Variants in DPP10 observed in about 807,000 individuals in gnomAD.
The protein encoded by DPP10 is dipeptidyl peptidase like 10, also known as inactive dipeptidyl peptidase 10.
In DPP10, 33 loss-of-function variants were observed where a neutral mutation model predicts 120.9. The ratio of observed to expected loss-of-function variants is 0.27; its 90% CI spans 0.21 to 0.37. The LOEUF (loss-of-function observed/expected upper bound fraction) is 0.37, where lower values mean the gene tolerates loss of function less well. DPP10 is among the 10% of genes least tolerant of loss of function. DPP10 has a pLI of 1.00. For missense variants in DPP10, 816 were observed against 942.8 expected (o/e 0.87, Z 1.76); for synonymous variants, 337 against 326.1 (o/e 1.03, Z -0.36).
intron 1 of DPP10, among the ~76,000 whole-genome samples, chr2:114,606,030 G>A (rs556665538): frequency 1.3e-5 from 2 of 152,188 alleles, no homozygotes; most frequent in South Asian, 4.2e-4. Context: ...TCTCCCAAAT[G>A]TTGAAATAAC....
chr2:115,573,900 A>G (rs935922241), intron 5 of DPP10, among the ~76,000 whole-genome samples: 13 of 151,816 alleles, frequency 8.6e-5, no homozygotes, highest in African/African-American at 3.1e-4. Context: ...TCATCTTCCT[A>G]TTGCTCTGTA....
rs528843852 is a variant in DPP10 at position 115,667,286 on chromosome 2, C to A, written c.442-22401C>A. 4.6e-5 allele frequency among the ~76,000 whole-genome samples: 7 copies of A among 152,188 alleles called. No homozygotes were observed. The East Asian group carries it at 9.7e-4, about 21-fold the overall frequency. ...CAGATGCATAAATTATAAATACTTTCTCCAGTCTGTAGGTTGTTTGTGTGT... is the reference window on the plus strand; with the variant it reads ...CAGATGCATAAATTATAAATACTTTATCCAGTCTGTAGGTTGTTTGTGTGT... On this transcript the variant is annotated intron_variant, in intron 5 of 25. Coordinates refer to ENST00000410059, the MANE Select transcript of DPP10 (RefSeq NM_020868.6).
At chr2:115,841,247 CATA>C (rs1425025353) in intron 25 of DPP10, among the ~76,000 whole-genome samples, 1 of 151,398 alleles carries the variant, frequency 6.6e-6, no homozygotes, top group African/African-American at 2.4e-5. Flanking sequence ...TTATAATTCT[CATA>C]ATAAATAGTG....
chr2:115,531,016 G>A (rs957250187), intron 5 of DPP10, among the ~76,000 whole-genome samples: 1 of 152,096 alleles, frequency 6.6e-6, no homozygotes, highest in Non-Finnish European at 1.5e-5. Flanking sequence ...CATGTATTTT[G>A]TGCCAAAGTC....
chr2:115,768,111 A>G (rs1408993780), intron 12 of DPP10, among the ~76,000 whole-genome samples, 186 bp from the exon 13 acceptor site: 1 of 152,168 alleles, frequency 6.6e-6, no homozygotes, highest in Non-Finnish European at 1.5e-5. Flanking sequence ...TACATATGTA[A>G]TGTATCAGAT....
At chr2:114,800,189 T>C (rs1170400260) in intron 1 of DPP10, among the ~76,000 whole-genome samples, 1 of 152,166 alleles carries the variant, frequency 6.6e-6, no homozygotes, top group African/African-American at 2.4e-5. Context: ...AACCTTGAAC[T>C]TGTGATTGAG....
At chr2:115,161,692 C>T (rs1310646090) in intron 1 of DPP10, 1 of 366,090 alleles carries the variant, frequency 2.7e-6, no homozygotes, top group Non-Finnish European at 4.9e-6. Context: ...CTCGCCTCGC[C>T]GCCGCGGCTC....
At chr2:115,783,330 CGAG>C (rs557054767) in intron 17 of DPP10, among the ~76,000 whole-genome samples, 147 of 152,154 alleles carry the variant, frequency 9.7e-4, no homozygotes, top group African/African-American at 3.5e-3. Context: ...CAGTCTGACT[CGAG>C]AATAGGTTTA....
chr2:115,082,400 T>C (rs1708348211), intron 1 of DPP10, among the ~76,000 whole-genome samples: 1 of 152,142 alleles, frequency 6.6e-6, no homozygotes, highest in South Asian at 2.1e-4. Flanking sequence ...TTTGTCTACA[T>C]GGAACTATGG....
intron 5 of DPP10, among the ~76,000 whole-genome samples, chr2:115,647,109 A>T (rs923022747): frequency 6.6e-6 from 1 of 152,204 alleles, no homozygotes; most frequent in Non-Finnish European, 1.5e-5. Context: ...TGGGCTCCAG[A>T]TGCATGGACA....
At chr2:115,575,237 G>A (rs2081581018) in intron 5 of DPP10, among the ~76,000 whole-genome samples, 1 of 152,130 alleles carries the variant, frequency 6.6e-6, no homozygotes, top group South Asian at 2.1e-4. Flanking sequence ...AGATTTAGAG[G>A]AAATCAATAA....
In DPP10 at chr2:115,407,169, C is replaced by T. The variant is rs142143946; in HGVS notation, c.271+63257C>T. On this transcript the variant is annotated intron_variant, in intron 3 of 25. Coordinates refer to ENST00000410059, the MANE Select transcript of DPP10 (RefSeq NM_020868.6). ...CGAACTTCCTGAGCCTCTACCCTGT[C>T]TCTGCAGTGCGCAGGTGGGCATTAT... Among the ~76,000 whole-genome samples the T allele has an allele frequency of 3.3e-5, 5 of 152,276 alleles. No individual in the cohort carries two copies. In the East Asian group the frequency reaches 7.7e-4, roughly 24 times the overall value.
chr2:115,635,291 C>T (rs1000531046), intron 5 of DPP10, among the ~76,000 whole-genome samples: 7 of 152,170 alleles, frequency 4.6e-5, no homozygotes, highest in Non-Finnish European at 1.0e-4. Context: ...TGAGAATCTG[C>T]ACAACTCTGC....
intron 1 of DPP10, among the ~76,000 whole-genome samples, chr2:114,922,687 C>T (rs925747188): frequency 1.3e-5 from 2 of 152,102 alleles, no homozygotes; most frequent in Non-Finnish European, 2.9e-5. Context: ...ATAATACTTT[C>T]AATATTTTTT....
intron 15 of DPP10, among the ~76,000 whole-genome samples, chr2:115,778,074 G>A (rs1297134571): frequency 6.6e-6 from 1 of 151,966 alleles, no homozygotes; most frequent in Non-Finnish European, 1.5e-5. Context: ...ACCTGCTTTT[G>A]CAGTTTCTTA....
At chr2:115,702,768 T>C (rs1340125181) in intron 7 of DPP10, among the ~76,000 whole-genome samples, 1 of 152,084 alleles carries the variant, frequency 6.6e-6, no homozygotes, top group Non-Finnish European at 1.5e-5. Flanking sequence ...TTTTATAAAA[T>C]TGACTGTGAT....
In DPP10 at chr2:114,560,848, C is replaced by A. The variant is rs544424425; in HGVS notation, c.60+118010C>A. The stretch of plus-strand genomic sequence containing the variant: ...TGGGTTCTATAAATGGGTCCACAAG[C>A]GTATGTTTGATTCACTATACTTCAT... On this transcript the variant is annotated intron_variant, in intron 1 of 25. Coordinates refer to ENST00000410059, the MANE Select transcript of DPP10 (RefSeq NM_020868.6). 3.9e-5 allele frequency among the ~76,000 whole-genome samples: 6 copies of A among 152,316 alleles called. No homozygotes were observed. In the South Asian group the frequency reaches 1.2e-3, roughly 32 times the overall value.
At chr2:115,753,105 A>G in intron 10 of DPP10, 69 bp from the exon 11 acceptor site, 2 of 1,428,792 alleles carry the variant, frequency 1.4e-6, no homozygotes, top group Non-Finnish European at 9.4e-7. Flanking sequence ...AAAATGGCAA[A>G]TGTATATTGT....
At chr2:115,459,084 A>C (rs189081269) in intron 3 of DPP10, among the ~76,000 whole-genome samples, 14 of 152,078 alleles carry the variant, frequency 9.2e-5, no homozygotes, top group Middle Eastern at 3.4e-3. Flanking sequence ...TTAAACTTAG[A>C]CGTACTGTTG....
Sources: gnomAD v4.1 joint callset for allele counts (sites outside exome capture counted in the v4.1 genomes callset) on GRCh38, gnomAD v4.1.1 for gene constraint, MANE v1.5 for transcripts, NCBI Gene and HGNC (gene_info 2026-07-23, HGNC 2026-07-21) for gene names.